The following COL4A6 variants were observed in gnomAD, a reference collection of about 807,000 sequenced individuals.
COL4A6 encodes the protein collagen type IV alpha 6 chain.
Under a neutral mutation model 126.7 loss-of-function variants are expected in COL4A6, and 59 were observed. The ratio of observed to expected loss-of-function variants is 0.47; its 90% CI spans 0.38 to 0.58. The LOEUF (loss-of-function observed/expected upper bound fraction) is 0.58. Among genes scored for constraint, COL4A6 ranks in the 20% least tolerant of loss-of-function variants. The pLI, the probability that COL4A6 is intolerant of heterozygous loss-of-function variation, is 0.00. For missense variants in COL4A6, 1,285 were observed against 1,337.3 expected (o/e 0.96, Z 0.61); for synonymous variants, 547 against 496.6 (o/e 1.10, Z -1.35).
chrX:108,240,997 T>C (rs1180108271), intron 3 of COL4A6, among the ~76,000 whole-genome samples: 6 of 110,842 alleles, frequency 5.4e-5, no homozygotes, highest in African/African-American at 2.0e-4. Context: ...GGTGGGGGCA[T>C]ATAGGAAATT....
intron 3 of COL4A6, among the ~76,000 whole-genome samples, chrX:108,258,726 C>A (rs747086282): frequency 4.5e-5 from 5 of 111,681 alleles, no homozygotes; most frequent in African/African-American, 1.6e-4. Context: ...AATGATAATG[C>A]CATTAACCAC....
chrX:108,302,497 G>C (rs1054602845), intron 3 of COL4A6, among the ~76,000 whole-genome samples: 1 of 111,579 alleles, frequency 9.0e-6, no homozygotes, highest in Non-Finnish European at 1.9e-5. Flanking sequence ...GAGTAGAAGT[G>C]TGAGCTCTGC....
At chrX:108,159,433 C>T (rs199510156) in intron 44 of COL4A6, 29 bp downstream of exon 44, 23 of 1,207,225 alleles carry the variant, frequency 1.9e-5, no homozygotes, top group Non-Finnish European at 2.5e-5. Flanking sequence ...TTGCCTCCAA[C>T]TGGGGGAGGA....
At chrX:108,352,364 C>G (rs548488055) in intron 2 of COL4A6, among the ~76,000 whole-genome samples, 3 of 112,595 alleles carry the variant, frequency 2.7e-5, no homozygotes, top group Non-Finnish European at 5.6e-5. Context: ...AGTCAATGTA[C>G]TTTGCATGCA....
chrX:108,287,880 ACT>A (rs1200309194), intron 3 of COL4A6, among the ~76,000 whole-genome samples: 4 of 111,514 alleles, frequency 3.6e-5, no homozygotes, highest in Non-Finnish European at 5.7e-5. Flanking sequence ...CTGCCGGGAA[ACT>A]CTGTCCAGGT....
chrX:108,418,349 A>G (rs929590102), intron 2 of COL4A6, among the ~76,000 whole-genome samples: 3 of 112,221 alleles, frequency 2.7e-5, no homozygotes, highest in Non-Finnish European at 5.6e-5. Flanking sequence ...AAAAATAATT[A>G]AAAAACAGTT....
At chrX:108,207,770 A>C (rs2035591038) in intron 8 of COL4A6, among the ~76,000 whole-genome samples, 2 of 111,647 alleles carry the variant, frequency 1.8e-5, no homozygotes, top group Non-Finnish European at 3.8e-5. Flanking sequence ...GAGATTATTA[A>C]AAGTATAGGG....
chrX:108,280,391 T>C (rs1267958175), intron 3 of COL4A6, among the ~76,000 whole-genome samples: 1 of 111,746 alleles, frequency 8.9e-6, no homozygotes, highest in East Asian at 2.8e-4. Flanking sequence ...CTAGAAAATC[T>C]AGAAGAAATG....
At chrX:108,237,528 T>G (rs2036457996) in intron 3 of COL4A6, among the ~76,000 whole-genome samples, 1 of 112,018 alleles carries the variant, frequency 8.9e-6, no homozygotes, top group Non-Finnish European at 1.9e-5. Flanking sequence ...TCTATCCATC[T>G]TTCAAAGCTC....
chrX:108,410,087 T>C (rs1223298349), intron 2 of COL4A6, among the ~76,000 whole-genome samples: 2 of 111,772 alleles, frequency 1.8e-5, no homozygotes, highest in Non-Finnish European at 3.8e-5. Context: ...GTATGTTTCC[T>C]GAACGTTCTT....
intron 2 of COL4A6, among the ~76,000 whole-genome samples, chrX:108,437,529 A>T (rs1032231918): frequency 9.0e-6 from 1 of 111,414 alleles, no homozygotes; most frequent in African/African-American, 3.3e-5. Context: ...TTTCCATAGC[A>T]TCTGCGGCAC....
chrX:108,211,257 A>G (rs2035693121), intron 7 of COL4A6, among the ~76,000 whole-genome samples: 1 of 112,148 alleles, frequency 8.9e-6, no homozygotes, highest in Non-Finnish European at 1.9e-5. Flanking sequence ...GTGACAGAGA[A>G]GGGCAGAACC....
At chrX:108,282,706 A>T (rs1211758366) in intron 3 of COL4A6, among the ~76,000 whole-genome samples, 1 of 108,354 alleles carries the variant, frequency 9.2e-6, no homozygotes. Flanking sequence ...ACGTATGTTT[A>T]TTGCGGCACT....
chrX:108,433,561 T>C (rs915469739), intron 2 of COL4A6, among the ~76,000 whole-genome samples: 1 of 109,288 alleles, frequency 9.2e-6, no homozygotes, highest in African/African-American at 3.3e-5. Context: ...TCTAGCTCTA[T>C]TGCTCAGGCT....
intron 2 of COL4A6, among the ~76,000 whole-genome samples, chrX:108,370,249 C>T (rs1419450689): frequency 1.8e-5 from 2 of 111,990 alleles, no homozygotes; most frequent in East Asian, 5.6e-4. Context: ...TCCATGTAGT[C>T]TAAAAACCTT....
At chrX:108,334,847 A>T (rs999620317) in intron 2 of COL4A6, among the ~76,000 whole-genome samples, 2 of 111,691 alleles carry the variant, frequency 1.8e-5, no homozygotes, top group African/African-American at 6.5e-5. Flanking sequence ...CTCATAACAG[A>T]GTTGTTATAA....
chrX:108,386,177 C>T (rs1167175756), intron 2 of COL4A6, among the ~76,000 whole-genome samples: 1 of 111,455 alleles, frequency 9.0e-6, no homozygotes, highest in African/African-American at 3.3e-5. Flanking sequence ...CCACAATAAA[C>T]ATACATGTGC....
chrX:108,346,721 T>A (rs142332609), intron 2 of COL4A6, among the ~76,000 whole-genome samples: 434 of 112,372 alleles, frequency 3.9e-3, no homozygotes, highest in Non-Finnish European at 5.9e-3. Flanking sequence ...CCACCAAACT[T>A]CTAAATAAAG....
At chrX:108,224,248 G>T (rs765927454) in intron 3 of COL4A6, among the ~76,000 whole-genome samples, 11 of 112,302 alleles carry the variant, frequency 9.8e-5, no homozygotes, top group Non-Finnish European at 2.1e-4. Context: ...CTTTCTCCTG[G>T]CTTGGTGGGC....
Sources: gnomAD v4.1 joint callset for allele counts (sites outside exome capture counted in the v4.1 genomes callset) on GRCh38, gnomAD v4.1.1 for gene constraint, MANE v1.5 for transcripts, NCBI Gene and HGNC (gene_info 2026-07-23, HGNC 2026-07-21) for gene names.